The following CSMD1 variants were observed in gnomAD, a reference collection of about 807,000 sequenced individuals.
The protein encoded by CSMD1 is CUB and sushi domain-containing protein 1.
CSMD1 carries 213 observed loss-of-function variants against 417.5 expected under a neutral mutation model. The ratio of observed to expected loss-of-function variants is 0.51; its 90% CI spans 0.46 to 0.57. The LOEUF (loss-of-function observed/expected upper bound fraction) is 0.57, where lower values mean the gene tolerates loss of function less well. Among genes scored for constraint, CSMD1 ranks in the 20% least tolerant of loss-of-function variants. The pLI, the probability that CSMD1 is intolerant of heterozygous loss-of-function variation, is 0.00. For synonymous variants in CSMD1, 2,862 were observed against 1,736.8 expected (o/e 1.65, Z -16.11); for missense variants, 6,923 against 4,529.7 (o/e 1.53, Z -15.17).
At chr8:3,476,318 T>C (rs780877584) in intron 11 of CSMD1, among the ~76,000 whole-genome samples, 18 of 152,242 alleles carry the variant, frequency 1.2e-4, no homozygotes, top group Non-Finnish European at 2.2e-4. Flanking sequence ...ATGATTTTAG[T>C]TCTCTTATAA....
intron 52 of CSMD1, among the ~76,000 whole-genome samples, chr8:3,016,597 A>C (rs1808854726): frequency 6.6e-6 from 1 of 152,210 alleles, no homozygotes; most frequent in Non-Finnish European, 1.5e-5. Context: ...CTCATGGTTT[A>C]CCCATTAGTA....
chr8:4,023,452 T>G (rs922506362), intron 4 of CSMD1, among the ~76,000 whole-genome samples: 2 of 152,166 alleles, frequency 1.3e-5, no homozygotes, highest in Non-Finnish European at 2.9e-5. Context: ...ATCTAGACTC[T>G]GGGTTGAGTA....
chr8:3,841,313 C>A (rs1320079570), intron 5 of CSMD1, among the ~76,000 whole-genome samples: 1 of 152,082 alleles, frequency 6.6e-6, no homozygotes, highest in East Asian at 1.9e-4. Flanking sequence ...CATAGATTGG[C>A]AAAATAAATT....
chr8:3,815,622 C>CT (rs754106787), intron 5 of CSMD1, among the ~76,000 whole-genome samples: 1 of 68,496 alleles, frequency 1.5e-5, no homozygotes, highest in South Asian at 4.7e-4. Context: ...CACTGCTAGA[C>CT]TTTCTTTTTT....
At chr8:3,706,168 A>C (rs2129038926) in intron 7 of CSMD1, among the ~76,000 whole-genome samples, 1 of 152,330 alleles carries the variant, frequency 6.6e-6, no homozygotes, top group Non-Finnish European at 1.5e-5. Flanking sequence ...AGGTGAACAG[A>C]ATGCCCACTG....
intron 2 of CSMD1, among the ~76,000 whole-genome samples, chr8:4,632,343 T>A (rs1341434377): frequency 6.6e-6 from 1 of 151,930 alleles, no homozygotes; most frequent in African/African-American, 2.4e-5. Context: ...TGAAACCCCG[T>A]CTCTACTAAA....
Position 4,140,707 on chromosome 8 carries a change from G to T in CSMD1, c.416-108608C>A, listed in dbSNP as rs1043587497. Reference sequence around the variant, plus strand: ...ATAATAGAGTAGAAAACCCATGGATGGTGTTCTGGACAATCTGTAAGTCTT... The same window carrying T: ...ATAATAGAGTAGAAAACCCATGGATTGTGTTCTGGACAATCTGTAAGTCTT... On this transcript the variant is annotated intron_variant, in intron 3 of 69. Transcript: ENST00000635120. Among the ~76,000 whole-genome samples, 11 of 150,886 alleles carry T rather than the reference G, an allele frequency of 7.3e-5. 2 individuals carry two copies. Among genetic ancestry groups the T allele is most frequent in the African/African-American group, 2.7e-4 (11 of 40,304 alleles).
chr8:4,106,250 G>C (rs1801562606), intron 3 of CSMD1, among the ~76,000 whole-genome samples: 1 of 152,204 alleles, frequency 6.6e-6, no homozygotes, highest in Non-Finnish European at 1.5e-5. Flanking sequence ...TTCCGAGCAG[G>C]ATAAACACAA....
intron 6 of CSMD1, among the ~76,000 whole-genome samples, chr8:3,733,059 C>A (rs1269781839): frequency 6.6e-6 from 1 of 151,738 alleles, no homozygotes; most frequent in Non-Finnish European, 1.5e-5. Flanking sequence ...GAAGTAAATG[C>A]TGCTGATTGG....
intron 5 of CSMD1, among the ~76,000 whole-genome samples, chr8:3,982,780 G>C (rs974799035): frequency 1.3e-5 from 2 of 152,160 alleles, no homozygotes; most frequent in Admixed American, 1.3e-4. Context: ...GACAGGGCCA[G>C]AACGAGGGCA....
rs535252254 is a variant in CSMD1 at position 4,471,388 on chromosome 8, T to C, written c.303-51323A>G. The stretch of plus-strand genomic sequence containing the variant: ...GGGTTAGACTATTTCTAATTTACTA[T>C]TTTGACAAGGTTCCTATACAGGTAG... On this transcript the variant is annotated intron_variant, in intron 2 of 69. Transcript: ENST00000635120. 3.3e-4 allele frequency among the ~76,000 whole-genome samples: 51 copies of C among 152,272 alleles called. No homozygotes were observed. In the South Asian group the frequency reaches 1.0e-2, roughly 30 times the overall value.
rs189776724 is a variant in CSMD1 at position 4,945,333 on chromosome 8, T to C, written c.85+48999A>G. Among the ~76,000 whole-genome samples, 26 of 152,258 alleles carry C rather than the reference T, an allele frequency of 1.7e-4. No homozygotes were observed. In the East Asian group the frequency reaches 5.0e-3, roughly 29 times the overall value. On this transcript the variant is annotated intron_variant, in intron 1 of 69. Coordinates refer to ENST00000635120, the MANE Select transcript of CSMD1 (RefSeq NM_033225.6). ...CCTGGAGATGGATGATGTGGTTGAT[T>C]GCACAGCCATGTGAAGATACATAAC...
intron 5 of CSMD1, among the ~76,000 whole-genome samples, chr8:3,876,097 T>C (rs909589045): frequency 6.6e-6 from 1 of 152,196 alleles, no homozygotes; most frequent in Non-Finnish European, 1.5e-5. Flanking sequence ...TATATATTTG[T>C]TTTCTTCCTT....
At chr8:3,985,409 G>C (rs1016140754) in intron 5 of CSMD1, among the ~76,000 whole-genome samples, 2 of 152,004 alleles carry the variant, frequency 1.3e-5, no homozygotes, top group South Asian at 2.1e-4. Context: ...CTACCCTCTT[G>C]TCTAGTCTTA....
intron 3 of CSMD1, among the ~76,000 whole-genome samples, chr8:4,130,544 T>A (rs1803035652): frequency 6.6e-6 from 1 of 152,196 alleles, no homozygotes; most frequent in South Asian, 2.1e-4. Flanking sequence ...TCTTCTTTCC[T>A]GGTTCTTTTA....
chr8:4,268,117 T>C lies in CSMD1; in HGVS notation c.415+151836A>G, dbSNP rs1700080. Among the ~76,000 whole-genome samples the C allele has an allele frequency of 5.7e-3, 864 of 152,262 alleles. 6 individuals carry two copies. Among genetic ancestry groups the C allele is most frequent in the South Asian group, 0.021 (103 of 4,832 alleles). On this transcript the variant is annotated intron_variant, in intron 3 of 69. Coordinates refer to ENST00000635120, the MANE Select transcript of CSMD1 (RefSeq NM_033225.6). The stretch of plus-strand genomic sequence containing the variant: ...TTACAAAAAACCTAATCCAAGAATA[T>C]TGACACTGTTAAACATATGTCCAAA...
At position 3,187,976 on chromosome 8, in the gene CSMD1, A is replaced by G; in HGVS notation, c.5524-11T>C. 3 of 1,608,218 alleles carry G rather than the reference A, an allele frequency of 1.9e-6. No homozygotes were observed. Among genetic ancestry groups the G allele is most frequent in the Non-Finnish European group, 2.5e-6 (3 of 1,176,830 alleles). On this transcript the variant is annotated splice_polypyrimidine_tract_variant and intron_variant, in intron 35 of 69. Transcript: ENST00000635120. ...ACTGATCACTTGGATCTACCAAACC[A>G]TGACATTAAGTTAATATTTATTTTT... is the stretch of plus-strand genomic sequence containing the variant.
At chr8:3,540,559 G>A (rs1478759788) in intron 10 of CSMD1, among the ~76,000 whole-genome samples, 2 of 152,136 alleles carry the variant, frequency 1.3e-5, no homozygotes, top group African/African-American at 4.8e-5. Flanking sequence ...AAGAGCTTCT[G>A]CACGACAAAA....
At chr8:4,601,048 C>T (rs1199091467) in intron 2 of CSMD1, among the ~76,000 whole-genome samples, 1 of 151,626 alleles carries the variant, frequency 6.6e-6, no homozygotes, top group Non-Finnish European at 1.5e-5. Flanking sequence ...CCTCCGTCTC[C>T]CAGGTTCAAG....
Sources: allele counts gnomAD v4.1 joint callset (sites outside exome capture counted in the v4.1 genomes callset), GRCh38; gene constraint gnomAD v4.1.1; transcripts MANE v1.5; gene names NCBI Gene and HGNC (gene_info 2026-07-23, HGNC 2026-07-21).